Variants in PSMA3 observed in about 807,000 individuals in gnomAD.
PSMA3 encodes proteasome subunit alpha type-3.
PSMA3 carries 8 observed loss-of-function variants against 40.0 expected under a neutral mutation model. The ratio of observed to expected loss-of-function variants is 0.20; its 90% CI spans 0.12 to 0.36. The LOEUF is 0.36. Among genes scored for constraint, PSMA3 ranks in the 10% least tolerant of loss-of-function variants. PSMA3 has a pLI of 1.00. For missense variants in PSMA3, 219 were observed against 310.6 expected (o/e 0.70, Z 2.22); for synonymous variants, 110 against 100.0 (o/e 1.10, Z -0.59).
intron 1 of PSMA3, among the ~76,000 whole-genome samples, chr14:58,247,043 G>C (rs998371420): frequency 6.6e-6 from 1 of 152,144 alleles, no homozygotes; most frequent in East Asian, 1.9e-4. Flanking sequence ...CCTTATTTCT[G>C]TTTCTTGACT....
intron 7 of PSMA3, chr14:58,265,597 T>C (rs1432493036): frequency 6.6e-6 from 1 of 152,236 alleles, no homozygotes; most frequent in Non-Finnish European, 1.5e-5. Context: ...TATTTACAAG[T>C]TGATGCTTTA....
intron 6 of PSMA3, among the ~76,000 whole-genome samples, chr14:58,261,553 T>C (rs982271406): frequency 3.3e-5 from 5 of 152,188 alleles, no homozygotes; most frequent in African/African-American, 1.2e-4. Context: ...ATAGAAACTG[T>C]ATAGTGCATA....
At chr14:58,254,871 C>A (rs1018485450) in intron 3 of PSMA3, among the ~76,000 whole-genome samples, 1 of 152,150 alleles carries the variant, frequency 6.6e-6, no homozygotes, top group Non-Finnish European at 1.5e-5. Context: ...TTGGCACATA[C>A]AGTTGTTGTG....
At chr14:58,254,005 T>C (rs1047087302) in intron 3 of PSMA3, among the ~76,000 whole-genome samples, 2 of 151,996 alleles carry the variant, frequency 1.3e-5, no homozygotes, top group African/African-American at 4.8e-5. Flanking sequence ...GTCACCCAGG[T>C]ACTAAGCCTA....
chr14:58,256,431 T>G lies in PSMA3; in HGVS notation c.229-1314T>G, dbSNP rs946376376. Among the ~76,000 whole-genome samples the G allele has an allele frequency of 1.4e-4, 21 of 151,576 alleles. No homozygotes were observed. The East Asian group carries it at 4.1e-3, about 30-fold the overall frequency. ...TGAGCATTTCCTTTTTTTTTTTTTT[T>G]TGAGATGGAGTCTCGCTCTGTTGCC... On this transcript the variant is annotated intron_variant, in intron 3 of 10. Transcript: ENST00000216455.
Position 58,248,692 on chromosome 14 carries a change from C to T in PSMA3, c.104+860C>T, listed in dbSNP as rs56020458. ...AAATGCAGCCGGGCGTGGTGGCTCA[C>T]GCCTGTAATCCCAGCACTTTGGGAG... On this transcript the variant is annotated intron_variant, in intron 2 of 10. Transcript: ENST00000216455. Among the ~76,000 whole-genome samples the T allele has an allele frequency of 1.8e-4, 27 of 152,078 alleles. 1 individual carries two copies. Among genetic ancestry groups the T allele is most frequent in the African/African-American group, 5.1e-4 (21 of 41,538 alleles).
intron 6 of PSMA3, among the ~76,000 whole-genome samples, chr14:58,262,747 G>C (rs376534328): frequency 2.7e-4 from 41 of 151,656 alleles, no homozygotes; most frequent in Admixed American, 7.2e-4. Flanking sequence ...ATTTTTAGTA[G>C]AGACAGACTT....
At chr14:58,268,251 A>C (rs1049324497) in intron 8 of PSMA3, 1 of 152,220 alleles carries the variant, frequency 6.6e-6, no homozygotes, top group African/African-American at 2.4e-5. Context: ...TAGATTCAAA[A>C]GTTATGGATA....
rs191312565 is a variant in PSMA3, at chr14:58,251,178, A to G, written c.105-941A>G. ...ATCAAGCATTGCTTATTTTGTCTCT[A>G]TTGTTTCCGATCAGAACTACCTTTA... On this transcript the variant is annotated intron_variant, in intron 2 of 10. Coordinates refer to ENST00000216455, the MANE Select transcript of PSMA3 (RefSeq NM_002788.4). Among the ~76,000 whole-genome samples, 19 of 152,320 alleles carry G rather than the reference A, an allele frequency of 1.2e-4. No homozygotes were observed. The East Asian group carries it at 2.3e-3, about 19-fold the overall frequency.
intron 3 of PSMA3, among the ~76,000 whole-genome samples, chr14:58,256,698 C>T (rs1490416123): frequency 6.6e-6 from 1 of 151,960 alleles, no homozygotes; most frequent in Non-Finnish European, 1.5e-5. Context: ...AGGTGTGAGC[C>T]ACCAGGTCCG....
chr14:58,257,497 CAAAAA>C (rs1188889919), intron 3 of PSMA3, among the ~76,000 whole-genome samples: 1 of 129,168 alleles, frequency 7.7e-6, no homozygotes, highest in Non-Finnish European at 1.7e-5. Flanking sequence ...GACCCCGTAT[CAAAAA>C]AAAAAAAGGA....
chr14:58,271,327 C>CTTTTTTTTTT (rs60528514), intron 10 of PSMA3, among the ~76,000 whole-genome samples: 1 of 102,396 alleles, frequency 9.8e-6, no homozygotes, highest in African/African-American at 3.8e-5. Flanking sequence ...AATATTTGTT[C>CTTTTTTTTTT]TTTTTTTTTT....
At chr14:58,264,120 T>G (rs1352235170) in intron 7 of PSMA3, among the ~76,000 whole-genome samples, 5 of 152,354 alleles carry the variant, frequency 3.3e-5, no homozygotes, top group East Asian at 1.9e-4. Flanking sequence ...CTTTATAGAT[T>G]CTGAATAACT....
At chr14:58,271,255 C>CAAA (rs35375876) in intron 10 of PSMA3, among the ~76,000 whole-genome samples, 1 of 138,494 alleles carries the variant, frequency 7.2e-6, no homozygotes, top group African/African-American at 2.7e-5. Context: ...GCCTTGGTTC[C>CAAA]AAAAAAAAAA....
At chr14:58,257,695 G>C (rs754650926) in intron 3 of PSMA3, 50 bp from the exon 4 acceptor site, 4 of 1,466,320 alleles carry the variant, frequency 2.7e-6, no homozygotes, top group South Asian at 1.2e-5. Flanking sequence ...TGCAGACTTT[G>C]ATTTGTGATA....
chr14:58,255,527 C>T (rs1418217102), intron 3 of PSMA3, among the ~76,000 whole-genome samples: 4 of 152,078 alleles, frequency 2.6e-5, no homozygotes, highest in East Asian at 1.9e-4. Context: ...CCAGCACTTT[C>T]GGAGGCCAAG....
intron 3 of PSMA3, among the ~76,000 whole-genome samples, chr14:58,257,280 G>A (rs897033961): frequency 3.3e-5 from 5 of 151,794 alleles, no homozygotes; most frequent in Admixed American, 6.6e-5. Flanking sequence ...GGCAGATCAC[G>A]AGGTCAGGAG....
intron 2 of PSMA3, among the ~76,000 whole-genome samples, chr14:58,250,212 TC>T (rs1889976281): frequency 2.0e-5 from 1 of 50,034 alleles, no homozygotes; most frequent in Non-Finnish European, 4.0e-5. Context: ...AGAGCGAGAC[TC>T]CATCTCCAAA....
chr14:58,261,943 A>G (rs566072828), intron 6 of PSMA3, among the ~76,000 whole-genome samples: 2 of 150,364 alleles, frequency 1.3e-5, no homozygotes, highest in South Asian at 2.1e-4. Flanking sequence ...TTATTTATTT[A>G]TAAGATGGAG....
Sources: allele counts gnomAD v4.1 joint callset (sites outside exome capture counted in the v4.1 genomes callset), GRCh38; gene constraint gnomAD v4.1.1; transcripts MANE v1.5; gene names NCBI Gene and HGNC (gene_info 2026-07-23, HGNC 2026-07-21).